The following NEMP2 variants were observed in gnomAD, a reference collection of about 807,000 sequenced individuals.
The protein encoded by NEMP2 is nuclear envelope integral membrane protein 2.
Under a neutral mutation model 54.2 loss-of-function variants are expected in NEMP2, and 53 were observed. The ratio of observed to expected loss-of-function variants is 0.98; its 90% CI spans 0.78 to 1.23. The LOEUF (loss-of-function observed/expected upper bound fraction) is 1.23. Ranked by LOEUF, NEMP2 falls within the 50% of genes most tolerant of loss-of-function variation. The pLI, the probability that NEMP2 is intolerant of heterozygous loss-of-function variation, is 0.00. For missense variants in NEMP2, 455 were observed against 511.3 expected (o/e 0.89, Z 1.06); for synonymous variants, 197 against 190.3 (o/e 1.04, Z -0.29).
intron 5 of NEMP2, among the ~76,000 whole-genome samples, 191 bp from the exon 6 acceptor site, chr2:190,516,575 G>T (rs1690565613): frequency 6.6e-6 from 1 of 152,182 alleles, no homozygotes; most frequent in Admixed American, 6.5e-5. Flanking sequence ...GAGCTTGCTG[G>T]GATGGCAGAG....
chr2:190,623,136 G>A, the NEMP2 span, among the ~76,000 whole-genome samples: 1 of 152,022 alleles, frequency 6.6e-6, no homozygotes, highest in Non-Finnish European at 1.5e-5. Flanking sequence ...TTTATGCAAT[G>A]AAAATTATAA....
the NEMP2 span, among the ~76,000 whole-genome samples, chr2:190,453,332 A>G: frequency 5.5e-3 from 837 of 152,120 alleles, 9 homozygotes; most frequent in African/African-American, 0.02. Context: ...GAACTTGTGG[A>G]ATTTCTATGA....
chr2:190,496,256 G>A, the NEMP2 span, among the ~76,000 whole-genome samples: 1 of 152,048 alleles, frequency 6.6e-6, no homozygotes, highest in Non-Finnish European at 1.5e-5. The surrounding 1 kb of genome is among the most constrained non-coding windows in gnomAD (Gnocchi z 4.7). Flanking sequence ...AGTGATCAGG[G>A]AAATGCAAAT....
At chr2:190,629,159 C>T in the NEMP2 span, among the ~76,000 whole-genome samples, 1 of 152,226 alleles carries the variant, frequency 6.6e-6, no homozygotes, top group East Asian at 1.9e-4. Context: ...GCTATATGCT[C>T]TGCACCAGGT....
the NEMP2 span, among the ~76,000 whole-genome samples, chr2:190,581,209 A>G: frequency 3.9e-5 from 6 of 152,214 alleles, no homozygotes; most frequent in African/African-American, 1.4e-4. Flanking sequence ...TCAAGGTTTT[A>G]GTATTTATAT....
the NEMP2 span, among the ~76,000 whole-genome samples, chr2:190,486,092 C>T: frequency 6.6e-6 from 1 of 152,158 alleles, no homozygotes; most frequent in Non-Finnish European, 1.5e-5. Context: ...TAGTGTGATC[C>T]TTTGGGTCTT....
At chr2:190,592,570 C>G in the NEMP2 span, among the ~76,000 whole-genome samples, 1 of 152,184 alleles carries the variant, frequency 6.6e-6, no homozygotes, top group Non-Finnish European at 1.5e-5. This position sits in a 1 kb window ranked among gnomAD's most constrained non-coding sequence, Gnocchi z 4.4. Context: ...TTTATCTTCA[C>G]AAAAACTTCA....
the NEMP2 span, among the ~76,000 whole-genome samples, chr2:190,616,393 AG>A: frequency 3.9e-5 from 6 of 151,978 alleles, no homozygotes; most frequent in South Asian, 4.1e-4. The surrounding 1 kb of genome is among the most constrained non-coding windows in gnomAD (Gnocchi z 5.1). Flanking sequence ...CAAAATGAAT[AG>A]AAAAATTAGT....
At chr2:190,488,728 A>T in the NEMP2 span, 1 of 1,609,648 alleles carries the variant, frequency 6.2e-7, no homozygotes, top group Non-Finnish European at 8.5e-7. The surrounding 1 kb of genome is among the most constrained non-coding windows in gnomAD (Gnocchi z 6.4). Flanking sequence ...TGAGCTGAGG[A>T]CATCTGCTCA....
chr2:190,538,074 T>G (rs772723885), upstream of NEMP2, among the ~76,000 whole-genome samples: 7 of 152,140 alleles, frequency 4.6e-5, no homozygotes, highest in Non-Finnish European at 1.0e-4. This position sits in a 1 kb window ranked among gnomAD's most constrained non-coding sequence, Gnocchi z 4.1. Context: ...ACTAATCCAC[T>G]CTAGCATTCC....
chr2:190,513,702 C>T lies in NEMP2; in HGVS notation c.953+751G>A, dbSNP rs929357380. ...ATCAGGAAAGCCCTCCGCATTTATT[C>T]GTCTGGTTATTTTTATTCATTCTTT... On this transcript the variant is annotated intron_variant, in intron 7 of 8. Coordinates refer to ENST00000409150, the MANE Select transcript of NEMP2 (RefSeq NM_001142645.2). The surrounding 1 kb of genome is among the most constrained non-coding windows in gnomAD (Gnocchi z 5.3). Among the ~76,000 whole-genome samples, 1 of 152,170 alleles carries T rather than the reference C, an allele frequency of 6.6e-6. No homozygotes were observed. Among genetic ancestry groups the T allele is most frequent in the African/African-American group, 2.4e-5 (1 of 41,442 alleles).
At chr2:190,604,470 C>T in the NEMP2 span, among the ~76,000 whole-genome samples, 2 of 152,178 alleles carry the variant, frequency 1.3e-5, no homozygotes, top group Non-Finnish European at 1.5e-5. The surrounding 1 kb of genome is among the most constrained non-coding windows in gnomAD (Gnocchi z 4.5). Context: ...CATCTGCGCG[C>T]TTGAACAACA....
the NEMP2 span, among the ~76,000 whole-genome samples, chr2:190,573,862 A>G: frequency 2.0e-5 from 3 of 152,216 alleles, no homozygotes; most frequent in African/African-American, 7.2e-5. Context: ...TATTAATACA[A>G]TTTATTCATT....
intron 2 of NEMP2, among the ~76,000 whole-genome samples, chr2:190,524,318 A>G (rs1345629000): frequency 6.6e-6 from 1 of 152,178 alleles, no homozygotes; most frequent in Non-Finnish European, 1.5e-5. Flanking sequence ...TAAGGGAAGA[A>G]AGTTTGATGA....
In NEMP2 at chr2:190,525,413, G is replaced by T; in HGVS notation, c.98-35C>A. ...GGAAAAGGGAATGCATTTTCTAACT[G>T]TTTAATTGCCCAGAATCTTTTTTAA... is the stretch of plus-strand genomic sequence containing the variant. On this transcript the variant is annotated intron_variant, in intron 1 of 8. Transcript: ENST00000409150. The surrounding 1 kb of genome is among the most constrained non-coding windows in gnomAD (Gnocchi z 5.0). The T allele has an allele frequency of 8.1e-7, 1 of 1,231,562 alleles. No individual in the cohort carries two copies. The highest frequency in any genetic ancestry group is 1.1e-6 in the Non-Finnish European group (1 of 872,490). The allele number at this position is 1,231,562 out of a possible 1,614,324, so 76.3% of individuals were successfully genotyped here.
the NEMP2 span, among the ~76,000 whole-genome samples, chr2:190,540,021 A>G: frequency 0.22 from 34,211 of 152,086 alleles, 4,936 homozygotes; most frequent in South Asian, 0.33. Context: ...AAGGGTTTCA[A>G]TTTCTCCTTA....
At chr2:190,423,066 CTTTAT>C in the NEMP2 span, among the ~76,000 whole-genome samples, 70 of 152,274 alleles carry the variant, frequency 4.6e-4, 1 homozygote, top group African/African-American at 1.6e-3. The surrounding 1 kb of genome is among the most constrained non-coding windows in gnomAD (Gnocchi z 4.3). Flanking sequence ...TTCTTTTAAA[CTTTAT>C]TTTGAGATCA....
chr2:190,450,175 G>T, the NEMP2 span, among the ~76,000 whole-genome samples: 1 of 152,036 alleles, frequency 6.6e-6, no homozygotes, highest in African/African-American at 2.4e-5. Flanking sequence ...AGTTTACTGC[G>T]TTTTTATTGT....
the NEMP2 span, chr2:190,436,169 C>T: frequency 6.2e-7 from 1 of 1,614,152 alleles, no homozygotes; most frequent in Non-Finnish European, 8.5e-7. The surrounding 1 kb of genome is among the most constrained non-coding windows in gnomAD (Gnocchi z 5.3). Context: ...ACAGAAACAT[C>T]TGCTATTCCT....
Sources: gnomAD v4.1 joint callset for allele counts (sites outside exome capture counted in the v4.1 genomes callset) on GRCh38, gnomAD v4.1.1 for gene constraint, Gnocchi (gnomAD v3.1) non-coding constraint, MANE v1.5 for transcripts, NCBI Gene and HGNC (gene_info 2026-07-23, HGNC 2026-07-21) for gene names.